PLXNC1: variants seen among roughly 807,000 people sequenced by gnomAD.
The protein encoded by PLXNC1 is plexin C1, also known as plexin-C1.
In PLXNC1, 75 loss-of-function variants were observed where a neutral mutation model predicts 178.2. The ratio of observed to expected loss-of-function variants is 0.42; its 90% CI spans 0.35 to 0.51. The LOEUF (loss-of-function observed/expected upper bound fraction) is 0.51. Among genes scored for constraint, PLXNC1 ranks in the 20% least tolerant of loss-of-function variants. The probability of loss-of-function intolerance (pLI) is 0.02; values close to 1 mark genes in which losing one functional copy is unlikely to be tolerated. For synonymous variants in PLXNC1, 790 were observed against 779.9 expected (o/e 1.01, Z -0.22); for missense variants, 1,503 against 1,984.4 (o/e 0.76, Z 4.61).
chr12:94,288,944 T>C (rs1430516582), intron 23 of PLXNC1, among the ~76,000 whole-genome samples: 2 of 152,362 alleles, frequency 1.3e-5, no homozygotes, highest in African/African-American at 4.8e-5. Context: ...ATTATCACAA[T>C]ATTCAGAACA....
At chr12:94,262,883 G>T (rs1965038013) in intron 20 of PLXNC1, 1 of 656,766 alleles carries the variant, frequency 1.5e-6, no homozygotes, top group African/African-American at 2.0e-5. Flanking sequence ...CCCCTTAAGG[G>T]TCCTGTGAGC....
intron 23 of PLXNC1, among the ~76,000 whole-genome samples, chr12:94,289,371 A>C (rs1386063075): frequency 1.3e-5 from 2 of 152,204 alleles, no homozygotes; most frequent in African/African-American, 4.8e-5. Flanking sequence ...GCTTGTTGTC[A>C]CATCGAATCC....
chr12:94,189,048 G>A (rs1056717360), intron 4 of PLXNC1, among the ~76,000 whole-genome samples: 6 of 152,368 alleles, frequency 3.9e-5, no homozygotes, highest in African/African-American at 9.6e-5. Flanking sequence ...TTGCCAGGAA[G>A]CATTAGGGCC....
chr12:94,237,653 C>G lies in PLXNC1; in HGVS notation c.1981-11C>G, dbSNP rs1021403775. ...CTTTGATCTCCTGTTTTAATCTTTT[C>G]TTTCCAATAGGTCTTCTACATTAAG... On this transcript the variant is annotated splice_polypyrimidine_tract_variant and intron_variant, in intron 9 of 30. Transcript: ENST00000258526. 1 of 1,609,186 alleles carries G rather than the reference C, an allele frequency of 6.2e-7. No homozygotes were observed. The highest frequency in any genetic ancestry group is 1.3e-5 in the African/African-American group (1 of 74,680).
chr12:94,196,913 A>G (rs184747981), intron 4 of PLXNC1, among the ~76,000 whole-genome samples: 90 of 152,314 alleles, frequency 5.9e-4, no homozygotes, highest in African/African-American at 2.1e-3. Flanking sequence ...AATTCCCACA[A>G]ACTTGGCAGC....
chr12:94,242,472 G>A (rs1435435611), intron 11 of PLXNC1, among the ~76,000 whole-genome samples: 3 of 151,720 alleles, frequency 2.0e-5, no homozygotes, highest in Non-Finnish European at 2.9e-5. Context: ...TAAGGACATC[G>A]GTCATGTTGG....
rs112611061 is a variant in PLXNC1 at position 94,260,390 on chromosome 12, A to C, written c.3252-252A>C. Among the ~76,000 whole-genome samples the C allele has an allele frequency of 0.068, 10,329 of 152,058 alleles. 841 individuals carry two copies. The highest frequency in any genetic ancestry group is 0.19 in the African/African-American group (7,927 of 41,440). ...TCTTAATAAAAAAAGCAGAAGTGTT[A>C]ATTTTTATTTTTAAAACATCCCGAA... On this transcript the variant is annotated intron_variant, in intron 19 of 30. Coordinates refer to ENST00000258526, the MANE Select transcript of PLXNC1 (RefSeq NM_005761.3). This position sits in a 1 kb window ranked among gnomAD's most constrained non-coding sequence, Gnocchi z 4.4.
chr12:94,237,792 T>A lies in PLXNC1; in HGVS notation c.2109T>A (p.Cys703Ter). ...TGATCCTGAAAGGAACCAGTACCTG[T>A]GATAAGGATGTGTGAGTCGAAATAC... is the stretch of plus-strand genomic sequence containing the variant. ...ITMILKGTST[C>*]DKDVIQVSHV... The change falls in exon 10 of 31, where the codon TGT becomes TGA. Residue 703 changes from cysteine (C) to a stop codon, truncating the protein, a stop_gained. Coordinates refer to ENST00000258526, the MANE Select transcript of PLXNC1 (RefSeq NM_005761.3). LOFTEE classifies it high-confidence loss of function. The A allele has an allele frequency of 6.2e-7, 1 of 1,613,684 alleles. No individual in the cohort carries two copies. Among genetic ancestry groups the A allele is most frequent in the Non-Finnish European group, 8.5e-7 (1 of 1,179,914 alleles).
Position 94,275,854 on chromosome 12 carries a change from CAAAAAAAAAAAAA to C in PLXNC1, c.3598-3603_3598-3591del, listed in dbSNP as rs34551603. On this transcript the variant is annotated intron_variant, in intron 21 of 30. Coordinates refer to ENST00000258526, the MANE Select transcript of PLXNC1 (RefSeq NM_005761.3). ...TGGGCGACAGAGCGAGACTCCGTCT[CAAAAAAAAAAAAA>C]AAAAAAAAAAAAAAGAAACTGCTGT... Among the ~76,000 whole-genome samples the C allele has an allele frequency of 1.1e-3, 25 of 23,102 alleles. 2 individuals are homozygous for C. In the East Asian group the frequency reaches 0.013, roughly 12 times the overall value. 15.2% of individuals were successfully genotyped at this position (23,102 alleles called of 152,430 possible).
intron 4 of PLXNC1, among the ~76,000 whole-genome samples, chr12:94,197,425 C>A (rs1422140650): frequency 6.9e-6 from 1 of 144,556 alleles, no homozygotes; most frequent in Non-Finnish European, 1.5e-5. Flanking sequence ...TAAAATGATA[C>A]ATTAGGCCCC....
intron 5 of PLXNC1, 129 bp from the exon 6 acceptor site, chr12:94,219,887 T>G: frequency 1.8e-6 from 1 of 567,460 alleles, no homozygotes; most frequent in Non-Finnish European, 3.0e-6. Context: ...AAACATCTAT[T>G]CTTTACATCA....
chr12:94,179,289 A>C (rs184862699), intron 2 of PLXNC1, among the ~76,000 whole-genome samples: 1 of 152,240 alleles, frequency 6.6e-6, no homozygotes, highest in African/African-American at 2.4e-5. Context: ...CATGCGCCCA[A>C]TGTGGCTGAT....
rs951586924 is a variant in PLXNC1, at chr12:94,279,507, C to T, written c.3633C>T (p.Asn1211=). Residue 1211 remains asparagine, a synonymous_variant, in exon 22 of 31, where the codon AAC becomes AAT. Coordinates refer to ENST00000258526, the MANE Select transcript of PLXNC1 (RefSeq NM_005761.3). ...LNVVFEKIPE[N]ESADVCRNIS... The stretch of plus-strand genomic sequence containing the variant: ...TCGTCTTTGAAAAAATCCCGGAAAA[C>T]GAGAGTGCAGATGTCTGTCGGAATA... 5.0e-5 allele frequency: 80 copies of T among 1,613,856 alleles called. No homozygotes were observed. The highest frequency in any genetic ancestry group is 6.3e-5 in the Non-Finnish European group (74 of 1,179,790).
chr12:94,186,672 C>T (rs902607330), intron 4 of PLXNC1, 199 bp downstream of exon 4: 2 of 498,664 alleles, frequency 4.0e-6, no homozygotes, highest in East Asian at 3.4e-5. Flanking sequence ...TCACTGGACC[C>T]GGGAGCTCCC....
intron 1 of PLXNC1, among the ~76,000 whole-genome samples, chr12:94,163,998 A>G (rs529764108): frequency 2.6e-5 from 4 of 152,292 alleles, no homozygotes; most frequent in African/African-American, 9.6e-5. Context: ...ACTGAGAGGC[A>G]GGGCATGTGG....
intron 11 of PLXNC1, among the ~76,000 whole-genome samples, chr12:94,241,106 G>A (rs1489292528): frequency 6.6e-6 from 1 of 152,056 alleles, no homozygotes; most frequent in Non-Finnish European, 1.5e-5. Flanking sequence ...GTTCCCTAAG[G>A]GGGAGATGGA....
At chr12:94,167,016 C>T (rs1419045878) in intron 1 of PLXNC1, among the ~76,000 whole-genome samples, 1 of 152,092 alleles carries the variant, frequency 6.6e-6, no homozygotes, top group Non-Finnish European at 1.5e-5. Flanking sequence ...CCTCTCGCCT[C>T]AGTTACCTAT....
In PLXNC1 at chr12:94,254,581, C is replaced by T. The variant is rs191282455; in HGVS notation, c.2882-206C>T. On this transcript the variant is annotated intron_variant, in intron 15 of 30. Coordinates refer to ENST00000258526, the MANE Select transcript of PLXNC1 (RefSeq NM_005761.3). ...TTTTCTGCTGCATTTTGGCATCTTC[C>T]TCTTCAGAGTGACCCCTCACTGGGA... 2.0e-4 allele frequency: 140 copies of T among 687,072 alleles called. 1 individual carries two copies. The East Asian group carries it at 3.7e-3, about 18-fold the overall frequency. 42.6% of individuals were successfully genotyped at this position (687,072 alleles called of 1,614,324 possible).
chr12:94,177,394 G>A (rs1182617849), intron 2 of PLXNC1, among the ~76,000 whole-genome samples: 2 of 150,986 alleles, frequency 1.3e-5, no homozygotes, highest in Non-Finnish European at 2.9e-5. Context: ...ATGGCTATCA[G>A]GACAAGCTTC....
Sources: gnomAD v4.1 joint callset for allele counts (sites outside exome capture counted in the v4.1 genomes callset) on GRCh38, gnomAD v4.1.1 for gene constraint, Gnocchi (gnomAD v3.1) non-coding constraint, MANE v1.5 for transcripts, NCBI Gene and HGNC (gene_info 2026-07-23, HGNC 2026-07-21) for gene names.